NEK6: variants seen among roughly 807,000 people sequenced by gnomAD.
NEK6 encodes the protein serine/threonine-protein kinase Nek6.
Under a neutral mutation model 43.5 loss-of-function variants are expected in NEK6, and 27 were observed. The ratio of observed to expected loss-of-function variants is 0.62; its 90% confidence interval spans 0.46 to 0.86. The LOEUF (loss-of-function observed/expected upper bound fraction) is 0.86. NEK6 is among the 40% of genes least tolerant of loss of function. NEK6 has a pLI of 0.00. For synonymous variants in NEK6, 167 were observed against 164.1 expected, an observed-to-expected ratio of 1.02 and a Z score of -0.14; for missense variants, 318 against 414.4, an observed-to-expected ratio of 0.77 and a Z score of 2.02.
At chr9:124,278,201 A>G (rs1831726409) in intron 1 of NEK6, among the ~76,000 whole-genome samples, 1 of 152,192 alleles carries the variant, frequency 6.6e-6, no homozygotes, top group Non-Finnish European at 1.5e-5. Context: ...GCGACACCCT[A>G]TCGCCTAGGT....
intron 4 of NEK6, among the ~76,000 whole-genome samples, chr9:124,320,673 A>C (rs1251207160): frequency 1.3e-5 from 2 of 152,218 alleles, no homozygotes; most frequent in Non-Finnish European, 2.9e-5. Flanking sequence ...CCAGGGGGGC[A>C]CCGTTCTGTC....
intron 9 of NEK6, 39 bp downstream of exon 9, chr9:124,347,861 A>C (rs766100032): frequency 7.7e-7 from 1 of 1,305,342 alleles, no homozygotes; most frequent in South Asian, 1.2e-5. Flanking sequence ...CAGCCCCAGG[A>C]GGCCACCGAG....
Position 124,326,210 on chromosome 9 carries a change from C to CCCCCCCCCCCCCCCCCCCCCCCT in NEK6, c.406-117_406-116insCCCCCCCCCCCCCCCCCCCTCCC. 1.5e-5 allele frequency: 3 copies of CCCCCCCCCCCCCCCCCCCCCCCT among 197,118 alleles called. No individual in the cohort carries two copies. Among genetic ancestry groups the CCCCCCCCCCCCCCCCCCCCCCCT allele is most frequent in the South Asian group, 4.4e-5 (1 of 22,558 alleles). The allele number at this position is 197,118 out of a possible 1,614,324, so 12.2% of individuals were successfully genotyped here. On this transcript the variant is annotated intron_variant, in intron 5 of 9. Transcript: ENST00000320246. This position sits in a 1 kb window ranked among gnomAD's most constrained non-coding sequence, Gnocchi z 4.5. ...TTTGCTCAGTGGCTCAATCCCCCCC[C>CCCCCCCCCCCCCCCCCCCCCCCT]CCCGCCCCTGCCAGGCACCAGTTAC...
At chr9:124,316,914 CTG>C (rs1182197202) in intron 4 of NEK6, among the ~76,000 whole-genome samples, 1 of 152,208 alleles carries the variant, frequency 6.6e-6, no homozygotes, top group Non-Finnish European at 1.5e-5. Flanking sequence ...GTTGGAGAAA[CTG>C]TGTCATGCCT....
At chr9:124,313,334 G>T (rs180713863) in intron 3 of NEK6, among the ~76,000 whole-genome samples, 2 of 151,984 alleles carry the variant, frequency 1.3e-5, no homozygotes, top group Non-Finnish European at 2.9e-5. Flanking sequence ...GGAGTAGCAG[G>T]GTCCTCTCTG....
chr9:124,347,037 G>A (rs1262200441), intron 8 of NEK6, among the ~76,000 whole-genome samples: 2 of 152,188 alleles, frequency 1.3e-5, no homozygotes, highest in Admixed American at 6.5e-5. Context: ...CAGAGCTAGG[G>A]CTGGCTGTGG....
intron 1 of NEK6, chr9:124,292,366 A>G (rs2119060472): frequency 6.6e-7 from 1 of 1,507,056 alleles, no homozygotes; most frequent in East Asian, 2.5e-5. Flanking sequence ...GGGCTTGGCC[A>G]GAACTTCTGA....
intron 8 of NEK6, among the ~76,000 whole-genome samples, chr9:124,339,967 T>TG (rs1157018821): frequency 6.6e-6 from 1 of 152,182 alleles, no homozygotes. Flanking sequence ...CCCGTCGCCC[T>TG]GGTAACCACA....
chr9:124,334,732 C>T (rs774721135), intron 7 of NEK6, among the ~76,000 whole-genome samples: 47 of 152,324 alleles, frequency 3.1e-4, no homozygotes, highest in African/African-American at 9.6e-4. Flanking sequence ...GGCACAGAGG[C>T]GAGTGGAAAA....
At chr9:124,317,033 G>A (rs1470217581) in intron 4 of NEK6, among the ~76,000 whole-genome samples, 1 of 152,220 alleles carries the variant, frequency 6.6e-6, no homozygotes, top group Non-Finnish European at 1.5e-5. Flanking sequence ...AAGGAGCAGG[G>A]TGTTCCCATT....
chr9:124,293,408 A>G (rs1465484234), intron 1 of NEK6, among the ~76,000 whole-genome samples: 1 of 152,216 alleles, frequency 6.6e-6, no homozygotes, highest in Admixed American at 6.5e-5. Flanking sequence ...ACCAGGTCCC[A>G]GAGTCAAGAA....
At chr9:124,331,271 AAAC>A (rs796237909) in intron 7 of NEK6, among the ~76,000 whole-genome samples, 5 of 148,920 alleles carry the variant, frequency 3.4e-5, no homozygotes, top group Admixed American at 2.1e-4. Flanking sequence ...AAAAAAAAAA[AAAC>A]AAAACATTTT....
intron 8 of NEK6, among the ~76,000 whole-genome samples, chr9:124,341,746 G>A (rs963438834): frequency 2.6e-5 from 4 of 152,080 alleles, no homozygotes; most frequent in South Asian, 2.1e-4. Context: ...GGGTGGGCTC[G>A]GGGGAGGGCA....
At chr9:124,305,681 A>C (rs1267392650) in intron 2 of NEK6, among the ~76,000 whole-genome samples, 1 of 151,906 alleles carries the variant, frequency 6.6e-6, no homozygotes, top group East Asian at 1.9e-4. Context: ...GGGGGCTCCC[A>C]GTCTGCTGAG....
At chr9:124,308,656 C>CA (rs1374130698) in intron 2 of NEK6, among the ~76,000 whole-genome samples, 4,291 of 82,008 alleles carry the variant, frequency 0.052, 168 homozygotes, top group African/African-American at 0.15. Context: ...AACTCTATCT[C>CA]AAAAAAAAAA....
chr9:124,307,395 C>T (rs747456980), intron 2 of NEK6, among the ~76,000 whole-genome samples: 3 of 152,128 alleles, frequency 2.0e-5, no homozygotes, highest in Non-Finnish European at 2.9e-5. Context: ...GGCGGTGGCT[C>T]GGGGACCTTG....
chr9:124,265,350 C>T (rs1036880770), intron 1 of NEK6, among the ~76,000 whole-genome samples: 1 of 152,072 alleles, frequency 6.6e-6, no homozygotes, highest in African/African-American at 2.4e-5. Flanking sequence ...GGTGAAACCC[C>T]ATCTCTACTA....
intron 1 of NEK6, 63 bp downstream of exon 1, chr9:124,258,148 C>T: frequency 1.4e-5 from 14 of 976,626 alleles, no homozygotes; most frequent in Non-Finnish European, 1.7e-5. Context: ...GGGCGGGGGC[C>T]GGGCGGCGGG....
At chr9:124,332,217 C>T (rs1018402523) in intron 7 of NEK6, among the ~76,000 whole-genome samples, 4 of 152,256 alleles carry the variant, frequency 2.6e-5, no homozygotes, top group South Asian at 2.1e-4. Flanking sequence ...GGGCCTGGGC[C>T]GTTCCCCGGG....
Sources: gnomAD v4.1 joint callset for allele counts (sites outside exome capture counted in the v4.1 genomes callset) on GRCh38, gnomAD v4.1.1 for gene constraint, Gnocchi (gnomAD v3.1) non-coding constraint, MANE v1.5 for transcripts, NCBI Gene and HGNC (gene_info 2026-07-23, HGNC 2026-07-21) for gene names.